The following ABCA13 variants were observed in gnomAD, a reference collection of about 807,000 sequenced individuals.
ABCA13 encodes the protein ATP-binding cassette sub-family A member 13.
A neutral mutation model predicts 478.7 loss-of-function variants in ABCA13; 476 were observed. The ratio of observed to expected loss-of-function variants is 0.99; its 90% CI spans 0.92 to 1.07. The LOEUF (loss-of-function observed/expected upper bound fraction) is 1.07, where lower values mean the gene tolerates loss of function less well. Ranked by LOEUF, ABCA13 falls within the 50% of genes least tolerant of loss-of-function variation. The probability of loss-of-function intolerance (pLI) is 0.00; values close to 1 mark genes in which losing one functional copy is unlikely to be tolerated. For missense variants in ABCA13, 6,060 were observed against 5,910.6 expected (o/e 1.03, Z -0.83); for synonymous variants, 2,252 against 2,158.9 (o/e 1.04, Z -1.20).
intron 3 of ABCA13, among the ~76,000 whole-genome samples, chr7:48,206,252 G>T (rs1007563603): frequency 6.6e-6 from 1 of 152,202 alleles, no homozygotes; most frequent in Admixed American, 6.5e-5. Context: ...TATGACAGGG[G>T]TCACATAGAA....
At chr7:48,510,866 T>C (rs1005081365) in intron 50 of ABCA13, among the ~76,000 whole-genome samples, 1 of 151,698 alleles carries the variant, frequency 6.6e-6, no homozygotes, top group African/African-American at 2.4e-5. Context: ...TACAGTCACA[T>C]CTTGAAATAC....
At chr7:48,550,818 C>T (rs967686294) in intron 55 of ABCA13, among the ~76,000 whole-genome samples, 1 of 151,274 alleles carries the variant, frequency 6.6e-6, no homozygotes, top group Admixed American at 6.6e-5. Flanking sequence ...ATGTCACCTC[C>T]CCACACTATC....
chr7:48,435,278 T>C, intron 42 of ABCA13, among the ~76,000 whole-genome samples: 1 of 151,846 alleles, frequency 6.6e-6, no homozygotes, highest in Non-Finnish European at 1.5e-5. Context: ...GTAAATGAAA[T>C]GATTTTCTTA....
At chr7:48,394,614 G>A (rs1357170138) in intron 38 of ABCA13, among the ~76,000 whole-genome samples, 1 of 152,050 alleles carries the variant, frequency 6.6e-6, no homozygotes, top group Non-Finnish European at 1.5e-5. Flanking sequence ...TTGACTACAG[G>A]GACGTAGTCT....
At chr7:48,334,428 G>A (rs1226415663) in intron 27 of ABCA13, among the ~76,000 whole-genome samples, 5 of 151,244 alleles carry the variant, frequency 3.3e-5, no homozygotes, top group Non-Finnish European at 7.4e-5. Flanking sequence ...TCCACCTCCC[G>A]GGTTCATGCC....
intron 41 of ABCA13, among the ~76,000 whole-genome samples, chr7:48,425,047 C>T (rs1458081112): frequency 6.6e-6 from 1 of 152,134 alleles, no homozygotes; most frequent in East Asian, 1.9e-4. Context: ...TTTTCAGACA[C>T]ATTGTACCCA....
chr7:48,587,222 T>C lies in ABCA13; in HGVS notation c.14574T>C (p.Ser4858=), dbSNP rs1325884256. 6.2e-7 allele frequency: 1 copy of C among 1,612,642 alleles called. No homozygotes were observed. Among genetic ancestry groups the C allele is most frequent in the Non-Finnish European group, 8.5e-7 (1 of 1,179,372 alleles). The change falls in exon 57 of 62, where the codon AGT becomes AGC. Residue 4858 remains serine (S), a synonymous_variant. Transcript: ENST00000435803. The part of the protein sequence containing the change: ...AHADKPVATY[S]GGTKRKLSTA... ...CGGACAAACCTGTGGCCACCTACAG[T>C]GGGGGAACCAAGCGGAAACTCTCTA...
chr7:48,464,242 T>C (rs1419726459), intron 43 of ABCA13, among the ~76,000 whole-genome samples: 1 of 152,214 alleles, frequency 6.6e-6, no homozygotes, highest in Non-Finnish European at 1.5e-5. Context: ...ATTTGAAGTT[T>C]GTGGTGACAA....
At chr7:48,516,479 C>A (rs563036744) in intron 51 of ABCA13, among the ~76,000 whole-genome samples, 1 of 152,208 alleles carries the variant, frequency 6.6e-6, no homozygotes, top group African/African-American at 2.4e-5. Context: ...AGAGTAGGCA[C>A]GCTGGCATAT....
intron 55 of ABCA13, among the ~76,000 whole-genome samples, chr7:48,570,068 C>G (rs1787459715): frequency 6.6e-6 from 1 of 151,912 alleles, no homozygotes; most frequent in South Asian, 2.1e-4. Flanking sequence ...TGAACTTGTT[C>G]TATTGTTGAA....
chr7:48,240,410 T>A (rs113124150), intron 9 of ABCA13, among the ~76,000 whole-genome samples: 3,352 of 152,316 alleles, frequency 0.022, 38 homozygotes, highest in Non-Finnish European at 0.03. Context: ...TTTTGTGTAA[T>A]GTTGATGACA....
Position 48,275,919 on chromosome 7 carries a change from G to T in ABCA13, c.6253G>T (p.Gly2085Ter). The change falls in exon 17 of 62, where the codon GGA becomes TGA. Residue 2085 changes from glycine (G) to a stop codon, truncating the protein, a stop_gained. Coordinates refer to ENST00000435803, the MANE Select transcript of ABCA13 (RefSeq NM_152701.5). LOFTEE classifies it high-confidence loss of function. ...ACACCTGCTTTCTGAAATGAACAAA[G>T]GAATCAAAAGTATAAATTCAATGGC... ...IRHLLSEMNK[G>*]IKSINSMALQ... is the part of the protein sequence containing the mutation. 1 of 1,613,548 alleles carries T rather than the reference G, an allele frequency of 6.2e-7. No homozygotes were observed. The highest frequency in any genetic ancestry group is 8.5e-7 in the Non-Finnish European group (1 of 1,179,786).
rs79016326 is a variant in ABCA13 at position 48,567,607 on chromosome 7, A to G, written c.14355-12617A>G. ...TTTTAAAATATCAACTTAAACATTG[A>G]GTATATAATACTCATAAATCATAAA... On this transcript the variant is annotated intron_variant, in intron 55 of 61. Transcript: ENST00000435803. Among the ~76,000 whole-genome samples, 56 of 152,200 alleles carry G rather than the reference A, an allele frequency of 3.7e-4. No individual in the cohort carries two copies. In the East Asian group the frequency reaches 7.9e-3, roughly 22 times the overall value.
chr7:48,439,360 A>G (rs1417916682), intron 42 of ABCA13, among the ~76,000 whole-genome samples: 1 of 152,158 alleles, frequency 6.6e-6, no homozygotes, highest in Non-Finnish European at 1.5e-5. Context: ...GCTATGTGAT[A>G]AAATGTTTAC....
At chr7:48,593,246 GTGTGTGTGTGTGTGTA>G (rs1440587892) in intron 57 of ABCA13, among the ~76,000 whole-genome samples, 1 of 137,590 alleles carries the variant, frequency 7.3e-6, no homozygotes, top group Non-Finnish European at 1.6e-5. Context: ...TTTCTTTTGT[GTGTGTGTGTGTGTGTA>G]TGTGTGTGTG....
intron 31 of ABCA13, among the ~76,000 whole-genome samples, chr7:48,359,547 C>T (rs1380382059): frequency 6.6e-6 from 1 of 151,904 alleles, no homozygotes; most frequent in Non-Finnish European, 1.5e-5. Flanking sequence ...TCCTTCTCTT[C>T]AGCAGTTGCC....
At chr7:48,541,673 A>G (rs983734874) in intron 55 of ABCA13, among the ~76,000 whole-genome samples, 3 of 151,470 alleles carry the variant, frequency 2.0e-5, no homozygotes, top group African/African-American at 7.3e-5. Flanking sequence ...AGTCACAATC[A>G]ATGAGACAGA....
At chr7:48,633,939 G>GATAC (rs3031336) in intron 59 of ABCA13, among the ~76,000 whole-genome samples, 29,427 of 99,758 alleles carry the variant, frequency 0.29, 3,100 homozygotes, top group East Asian at 0.4. Context: ...TACATAGATA[G>GATAC]ATAGATAGAT....
At position 48,240,984 on chromosome 7, in the gene ABCA13, G is replaced by A. The variant is rs1235297497; in HGVS notation, c.1180G>A (p.Glu394Lys). 2.5e-6 allele frequency: 4 copies of A among 1,613,994 alleles called. No homozygotes were observed. Among genetic ancestry groups the A allele is most frequent in the Non-Finnish European group, 3.4e-6 (4 of 1,179,858 alleles). Residue 394 changes from glutamate to lysine, a missense_variant, in exon 10 of 62, where the codon GAA becomes AAA. By Grantham distance (56) the Glu-to-Lys change is moderately conservative (BLOSUM62 1). Transcript: ENST00000435803. ...EEESKPWKVVEALHTALLLLN... is the reference protein window; with the variant it reads ...EEESKPWKVVKALHTALLLLN... ...AGAGAGCAAGCCCTGGAAGGTGGTG[G>A]AAGCTCTGCACACTGCACTGCTCCT...
Sources: gnomAD v4.1 joint callset for allele counts (sites outside exome capture counted in the v4.1 genomes callset) on GRCh38, gnomAD v4.1.1 for gene constraint, MANE v1.5 for transcripts, NCBI Gene and HGNC (gene_info 2026-07-23, HGNC 2026-07-21) for gene names.